Variants in CFAP77 observed in about 807,000 individuals in gnomAD.
CFAP77 encodes the protein cilia and flagella associated protein 77, also known as cilia- and flagella-associated protein 77.
In CFAP77, 25 loss-of-function variants were observed where a neutral mutation model predicts 31.1. That is an observed-to-expected ratio of 0.80 (90% CI 0.59 to 1.12). The LOEUF is 1.12. Ranked by LOEUF, CFAP77 falls within the 50% of genes most tolerant of loss-of-function variation. The probability of loss-of-function intolerance (pLI) is 0.00; values close to 1 mark genes in which losing one functional copy is unlikely to be tolerated. For synonymous variants in CFAP77, 151 were observed against 159.9 expected, an observed-to-expected ratio of 0.94 and a Z score of 0.42; for missense variants, 377 against 397.3, an observed-to-expected ratio of 0.95 and a Z score of 0.44.
rs769319314 is a variant in CFAP77, at chr9:132,410,317, A to AAGC, written c.56_58dup (p.Gln19dup). The AAGC allele has an allele frequency of 1.1e-5, 18 of 1,596,100 alleles. No individual in the cohort carries two copies. The South Asian group carries it at 1.3e-4, about 12-fold the overall frequency. ...CGGCCCGGACCTCACGCGATGGAGG[A>AAGC]AGCAGCAGCAGCCTGTGCGCCGCAC... On this transcript the variant is annotated inframe_insertion, in exon 1 of 6. Transcript: ENST00000393216.
At chr9:132,437,193 A>C (rs770186658) in intron 1 of CFAP77, among the ~76,000 whole-genome samples, 1 of 152,214 alleles carries the variant, frequency 6.6e-6, no homozygotes, top group Non-Finnish European at 1.5e-5. Context: ...GTCCCCAAGC[A>C]CTGGTCCTGC....
intron 1 of CFAP77, among the ~76,000 whole-genome samples, chr9:132,482,731 G>A (rs937888853): frequency 1.4e-5 from 2 of 144,292 alleles, no homozygotes; most frequent in Non-Finnish European, 3.0e-5. Flanking sequence ...CAGCCTAGTT[G>A]GATTCTCATT....
At chr9:132,509,090 G>A (rs7864426) in intron 3 of CFAP77, among the ~76,000 whole-genome samples, 22,088 of 152,256 alleles carry the variant, frequency 0.15, 1,910 homozygotes, top group African/African-American at 0.23. Context: ...AACGGCCAAC[G>A]CTGATGAGCA....
At chr9:132,556,426 C>T (rs1852906352) in intron 5 of CFAP77, among the ~76,000 whole-genome samples, 1 of 152,212 alleles carries the variant, frequency 6.6e-6, no homozygotes, top group African/African-American at 2.4e-5. Flanking sequence ...ACCCCCTCCC[C>T]GGCGGCTCAG....
rs1851785465 is a variant in CFAP77, at chr9:132,498,698, G to A, written c.199G>A (p.Glu67Lys). 3.7e-6 allele frequency: 6 copies of A among 1,610,504 alleles called. No homozygotes were observed. The East Asian group carries it at 1.3e-4, about 36-fold the overall frequency. Residue 67 changes from glutamate to lysine, a missense_variant, in exon 2 of 6, where the codon GAA (glutamate) becomes AAA (lysine). By Grantham distance (56) the Glu-to-Lys change is moderately conservative. Coordinates refer to ENST00000393216, the MANE Select transcript of CFAP77 (RefSeq NM_001282957.2). This position sits in a 1 kb window ranked among gnomAD's most constrained non-coding sequence, Gnocchi z 4.2. ...CTCTCTGTCCTTCCCCCGACAGGCT[G>A]AACTCGGCAAGCCCCGGGAAAGAAG... ...MFQNPLIVKA[E>K]LGKPRERSYS...
intron 1 of CFAP77, among the ~76,000 whole-genome samples, chr9:132,496,171 C>T (rs1339545871): frequency 6.6e-6 from 1 of 151,946 alleles, no homozygotes; most frequent in Non-Finnish European, 1.5e-5. Context: ...TTGTTGTGAA[C>T]CTAAAACTGC....
At chr9:132,514,521 C>T (rs572793106) in intron 3 of CFAP77, among the ~76,000 whole-genome samples, 1 of 152,296 alleles carries the variant, frequency 6.6e-6, no homozygotes, top group African/African-American at 2.4e-5. Flanking sequence ...CCTGCCCAGT[C>T]GGTTTCTGAG....
intron 3 of CFAP77, among the ~76,000 whole-genome samples, chr9:132,514,113 A>G (rs12352335): frequency 0.043 from 3,206 of 74,452 alleles, 333 homozygotes; most frequent in African/African-American, 0.11. Context: ...CCCTGAACAC[A>G]GGTGACAGTG....
chr9:132,547,385 G>T (rs921431499), intron 5 of CFAP77, among the ~76,000 whole-genome samples: 2 of 152,228 alleles, frequency 1.3e-5, no homozygotes, highest in African/African-American at 4.8e-5. Flanking sequence ...TGTGCACCAC[G>T]CTCAGCAGAA....
At chr9:132,444,246 C>T (rs951403705) in intron 1 of CFAP77, among the ~76,000 whole-genome samples, 11 of 152,224 alleles carry the variant, frequency 7.2e-5, no homozygotes, top group East Asian at 5.8e-4. Flanking sequence ...GAGGCTAAGG[C>T]GCTCAGATGG....
intron 3 of CFAP77, chr9:132,513,114 A>G: frequency 1.3e-6 from 1 of 797,556 alleles, no homozygotes; most frequent in Non-Finnish European, 1.9e-6. Context: ...CATAATAATC[A>G]CATCGTGGAG....
intron 1 of CFAP77, among the ~76,000 whole-genome samples, chr9:132,464,750 T>C (rs1851120996): frequency 1.3e-5 from 2 of 152,166 alleles, no homozygotes; most frequent in South Asian, 4.1e-4. Context: ...GTGGCTATTG[T>C]ATCCAAGAGC....
chr9:132,448,125 GA>G (rs1479757871), intron 1 of CFAP77, among the ~76,000 whole-genome samples: 2 of 152,018 alleles, frequency 1.3e-5, no homozygotes, highest in Non-Finnish European at 2.9e-5. Flanking sequence ...CAGAAATGGG[GA>G]GAGGGAAGAA....
In CFAP77 at chr9:132,564,976, G is replaced by C. The variant is rs79785295; in HGVS notation, c.733-7412G>C. 3.1e-3 allele frequency among the ~76,000 whole-genome samples: 474 copies of C among 152,132 alleles called. 2 individuals are homozygous for C. Among genetic ancestry groups the C allele is most frequent in the African/African-American group, 0.011 (449 of 41,480 alleles). On this transcript the variant is annotated intron_variant, in intron 5 of 5. Transcript: ENST00000393216. The surrounding 1 kb of genome is among the most constrained non-coding windows in gnomAD (Gnocchi z 4.6). ...GTCACTTCTCACCTTCGGGCCTTGG[G>C]TTTTCCATCTGTAGTATGGGAGAGT...
intron 5 of CFAP77, among the ~76,000 whole-genome samples, chr9:132,562,270 C>T (rs1006276824): frequency 2.0e-5 from 3 of 152,196 alleles, no homozygotes; most frequent in Admixed American, 6.5e-5. Context: ...TTTGTGTTCT[C>T]ATATGAAAAA....
At chr9:132,508,835 C>A (rs1247311685) in intron 3 of CFAP77, among the ~76,000 whole-genome samples, 1 of 152,178 alleles carries the variant, frequency 6.6e-6, no homozygotes, top group Non-Finnish European at 1.5e-5. Flanking sequence ...GAAACTGAGG[C>A]TCAGAGACAG....
intron 5 of CFAP77, among the ~76,000 whole-genome samples, chr9:132,549,016 T>C (rs966045031): frequency 1.3e-5 from 2 of 152,106 alleles, no homozygotes; most frequent in African/African-American, 2.4e-5. Context: ...GAAAAAAATA[T>C]ATCTCAGCAG....
intron 5 of CFAP77, among the ~76,000 whole-genome samples, chr9:132,546,640 C>T (rs576866175): frequency 5.3e-5 from 8 of 152,290 alleles, no homozygotes; most frequent in African/African-American, 1.7e-4. Context: ...CTTACAGGGT[C>T]GAGAGAGGAG....
Position 132,498,560 on chromosome 9 carries a change from C to T in CFAP77, c.196-135C>T. 1.5e-6 allele frequency: 1 copy of T among 669,110 alleles called. No individual in the cohort carries two copies. 41.4% of individuals were successfully genotyped at this position (669,110 alleles called of 1,614,324 possible). A position where few individuals can be genotyped will look rare whatever the true frequency, so the allele number is the denominator to read the frequency against. On this transcript the variant is annotated intron_variant, in intron 1 of 5. Coordinates refer to ENST00000393216, the MANE Select transcript of CFAP77 (RefSeq NM_001282957.2). The surrounding 1 kb of genome is among the most constrained non-coding windows in gnomAD (Gnocchi z 4.2). Reference sequence around the variant, plus strand: ...CTCCCAGGGAGGGCTCTGCCACCCACTCCTGTGCCACCCTGAAGGCCACGG... The same window carrying T: ...CTCCCAGGGAGGGCTCTGCCACCCATTCCTGTGCCACCCTGAAGGCCACGG...
Sources: gnomAD v4.1 joint callset for allele counts (sites outside exome capture counted in the v4.1 genomes callset) on GRCh38, gnomAD v4.1.1 for gene constraint, Gnocchi (gnomAD v3.1) non-coding constraint, MANE v1.5 for transcripts, NCBI Gene and HGNC (gene_info 2026-07-23, HGNC 2026-07-21) for gene names.